CIMAP1D: variants seen among roughly 807,000 people sequenced by gnomAD.
CIMAP1D encodes the protein protein CIMAP1D.
At chr19:467,525 A>G in the CIMAP1D span, 1 of 743,462 alleles carries the variant, frequency 1.3e-6, no homozygotes, top group South Asian at 1.5e-5. Context: ...CTTGGATTTG[A>G]TCACTCCAAA....
At chr19:484,283 G>C in the CIMAP1D span, among the ~76,000 whole-genome samples, 5 of 151,862 alleles carry the variant, frequency 3.3e-5, no homozygotes, top group African/African-American at 1.2e-4. Flanking sequence ...TGGGATTACA[G>C]GTGTGCGCCA....
At chr19:481,953 G>C in the CIMAP1D span, among the ~76,000 whole-genome samples, 14 of 151,702 alleles carry the variant, frequency 9.2e-5, no homozygotes, top group Non-Finnish European at 1.9e-4. Flanking sequence ...TTTCTTTTTT[G>C]TGTGTGGAGA....
At chr19:470,561 T>C in the CIMAP1D span, among the ~76,000 whole-genome samples, 1 of 152,108 alleles carries the variant, frequency 6.6e-6, no homozygotes, top group Non-Finnish European at 1.5e-5. Flanking sequence ...GCTGACGCCT[T>C]CACTGGCATT....
At chr19:481,435 T>TGGAGAAGGATGAG in the CIMAP1D span, among the ~76,000 whole-genome samples, 1 of 63,224 alleles carries the variant, frequency 1.6e-5, no homozygotes, top group African/African-American at 1.1e-4. Flanking sequence ...AGAAGGATGA[T>TGGAGAAGGATGAG]GGGGAAGGAT....
At chr19:481,528 A>AAGGATGATGGGGAAGGATGATGGGGG in the CIMAP1D span, among the ~76,000 whole-genome samples, 1 of 129,172 alleles carries the variant, frequency 7.7e-6, no homozygotes, top group African/African-American at 3.0e-5. Context: ...GATGATGGGG[A>AAGGATGATGGGGAAGGATGATGGGGG]AGGATGATGG....
chr19:489,637 A>G, the CIMAP1D span: 2 of 174,686 alleles, frequency 1.1e-5, no homozygotes, highest in African/African-American at 4.7e-5. Context: ...CCTGTGGGTG[A>G]CCGTGCAGGC....
chr19:465,359 G>A, the CIMAP1D span, among the ~76,000 whole-genome samples: 113,441 of 138,720 alleles, frequency 0.82, 46,347 homozygotes, highest in East Asian at 0.98. Context: ...GAATGGGTAG[G>A]TGGATGGGTG....
At chr19:484,139 C>CTT in the CIMAP1D span, among the ~76,000 whole-genome samples, 1,256 of 129,356 alleles carry the variant, frequency 9.7e-3, 27 homozygotes, top group East Asian at 0.06. Context: ...TTTTCTTTTT[C>CTT]TTTTTTTTTT....
the CIMAP1D span, among the ~76,000 whole-genome samples, chr19:469,903 T>G: frequency 1.3e-5 from 2 of 152,016 alleles, no homozygotes; most frequent in East Asian, 3.9e-4. Flanking sequence ...CCCCAACCCC[T>G]GGCTCAGTGC....
chr19:466,505 A>C, the CIMAP1D span, among the ~76,000 whole-genome samples: 1 of 144,916 alleles, frequency 6.9e-6, no homozygotes, highest in South Asian at 2.4e-4. Context: ...GGTTAGGTAG[A>C]TGGTGGATGG....
chr19:470,136 G>A, the CIMAP1D span, among the ~76,000 whole-genome samples: 27 of 152,076 alleles, frequency 1.8e-4, no homozygotes, highest in African/African-American at 6.5e-4. Flanking sequence ...ACGCTGTCTC[G>A]GGCCCAGGAG....
chr19:464,550 A>G, the CIMAP1D span, among the ~76,000 whole-genome samples: 1 of 152,200 alleles, frequency 6.6e-6, no homozygotes, highest in East Asian at 1.9e-4. Context: ...ACTTTGCCCA[A>G]GCTGGACCCA....
the CIMAP1D span, among the ~76,000 whole-genome samples, chr19:466,109 G>A: frequency 1.4e-5 from 2 of 145,956 alleles, no homozygotes; most frequent in African/African-American, 5.1e-5. Context: ...GGATGTATGG[G>A]TGAATAGATG....
At chr19:473,105 C>T in the CIMAP1D span, among the ~76,000 whole-genome samples, 1 of 128,536 alleles carries the variant, frequency 7.8e-6, no homozygotes, top group Non-Finnish European at 1.6e-5. Flanking sequence ...GATACACGGT[C>T]ACAGATCGGG....
the CIMAP1D span, chr19:463,648 C>T: frequency 0.69 from 535,706 of 781,672 alleles, 191,152 homozygotes; most frequent in Admixed American, 0.75. Flanking sequence ...ACTCACCCTG[C>T]ACCCTGCACA....
At chr19:480,605 G>A in the CIMAP1D span, among the ~76,000 whole-genome samples, 56 of 147,616 alleles carry the variant, frequency 3.8e-4, no homozygotes, top group African/African-American at 7.9e-4. Context: ...AAGGTGATGG[G>A]GAAGGATGAT....
At chr19:478,947 C>T in the CIMAP1D span, among the ~76,000 whole-genome samples, 1 of 152,254 alleles carries the variant, frequency 6.6e-6, no homozygotes, top group Non-Finnish European at 1.5e-5. Flanking sequence ...ACAAGTTCCT[C>T]GTCCTCCCTT....
the CIMAP1D span, among the ~76,000 whole-genome samples, chr19:484,987 G>A: frequency 6.6e-6 from 1 of 152,164 alleles, no homozygotes; most frequent in Admixed American, 6.5e-5. Context: ...CGGGGCCTGG[G>A]CTGGGGGCTG....
At chr19:471,225 T>G in the CIMAP1D span, among the ~76,000 whole-genome samples, 1 of 152,122 alleles carries the variant, frequency 6.6e-6, no homozygotes, top group African/African-American at 2.4e-5. Context: ...CTCGGCTCAC[T>G]GCAGCATCTG....
Sources: gnomAD v4.1 joint callset for allele counts (sites outside exome capture counted in the v4.1 genomes callset) on GRCh38, gnomAD v4.1.1 for gene constraint, MANE v1.5 for transcripts, NCBI Gene and HGNC (gene_info 2026-07-23, HGNC 2026-07-21) for gene names.